The following ERICH1 variants were observed in gnomAD, a reference collection of about 807,000 sequenced individuals.
The protein encoded by ERICH1 is glutamate-rich protein 1.
ERICH1 carries 56 observed loss-of-function variants against 39.6 expected under a neutral mutation model. That is an observed-to-expected ratio of 1.41 (90% CI 1.14 to 1.77). ERICH1 has a LOEUF of 1.77. Among genes scored for constraint, ERICH1 ranks in the 40% most tolerant of loss-of-function variants. ERICH1 has a pLI of 0.00. For synonymous variants in ERICH1, 313 were observed against 223.6 expected (o/e 1.40, Z -3.57); for missense variants, 826 against 575.4 (o/e 1.44, Z -4.45).
intron 2 of ERICH1, among the ~76,000 whole-genome samples, 190 bp downstream of exon 2, chr8:715,671 T>C (rs1429021081): frequency 1.3e-5 from 2 of 152,236 alleles, no homozygotes; most frequent in African/African-American, 2.4e-5. Flanking sequence ...TGGCCTTGGC[T>C]GGGGAGTCCA....
intron 2 of ERICH1, among the ~76,000 whole-genome samples, chr8:701,416 T>G (rs11786287): frequency 0.72 from 108,684 of 150,936 alleles, 39,966 homozygotes; most frequent in Non-Finnish European, 0.8. Flanking sequence ...GGAGCACGCC[T>G]TACCCACGGG....
chr8:628,176 T>C (rs1797708403), intron 3 of ERICH1, among the ~76,000 whole-genome samples: 1 of 152,104 alleles, frequency 6.6e-6, no homozygotes. Flanking sequence ...GCTCTGGAAG[T>C]GCTGTGTGTG....
intron 3 of ERICH1, among the ~76,000 whole-genome samples, chr8:617,113 C>A (rs1796971014): frequency 6.6e-6 from 1 of 152,122 alleles, no homozygotes; most frequent in South Asian, 2.1e-4. Flanking sequence ...CATATTATTC[C>A]AGTTTAGCTG....
At chr8:651,557 G>A (rs746332754) in intron 3 of ERICH1, among the ~76,000 whole-genome samples, 7 of 152,134 alleles carry the variant, frequency 4.6e-5, no homozygotes, top group African/African-American at 1.4e-4. Context: ...GGGAGTCCAC[G>A]AAGTGGGAAG....
chr8:655,205 C>T (rs1294989756), intron 3 of ERICH1, among the ~76,000 whole-genome samples: 1 of 152,218 alleles, frequency 6.6e-6, no homozygotes, highest in East Asian at 1.9e-4. Flanking sequence ...CTTCGCCTTT[C>T]TAACAGCAAG....
At chr8:692,455 T>C in intron 3 of ERICH1, 23 bp downstream of exon 3, 1 of 1,613,946 alleles carries the variant, frequency 6.2e-7, no homozygotes, top group Non-Finnish European at 8.5e-7. Context: ...GATGTCTACC[T>C]TTCCTCCCAC....
At chr8:635,940 C>T (rs1278700626) in intron 3 of ERICH1, among the ~76,000 whole-genome samples, 1 of 152,216 alleles carries the variant, frequency 6.6e-6, no homozygotes, top group Non-Finnish European at 1.5e-5. Flanking sequence ...TGCGGTGATT[C>T]CTCATCCTGC....
chr8:616,394 C>A, intron 3 of ERICH1: 5 of 373,058 alleles, frequency 1.3e-5, no homozygotes, highest in South Asian at 9.9e-5. Context: ...GAGAGAAACT[C>A]CTGCCACGTG....
intron 3 of ERICH1, among the ~76,000 whole-genome samples, chr8:620,301 G>C (rs933684857): frequency 9.9e-5 from 15 of 152,172 alleles, no homozygotes; most frequent in Non-Finnish European, 2.9e-5. Flanking sequence ...AACAGAGTGA[G>C]ACTCTGTCTC....
chr8:631,510 A>G (rs750461142), intron 3 of ERICH1, among the ~76,000 whole-genome samples: 17 of 152,146 alleles, frequency 1.1e-4, no homozygotes, highest in Non-Finnish European at 2.1e-4. Flanking sequence ...TGCGCCAGGA[A>G]GTGGTGACGG....
At chr8:699,833 G>A (rs375338358) in intron 2 of ERICH1, among the ~76,000 whole-genome samples, 8 of 73,066 alleles carry the variant, frequency 1.1e-4, no homozygotes, top group Admixed American at 8.2e-4. Flanking sequence ...GCACAGACCC[G>A]CACAGGCGCA....
chr8:628,807 G>T (rs924528905), intron 3 of ERICH1, among the ~76,000 whole-genome samples: 2 of 152,144 alleles, frequency 1.3e-5, no homozygotes, highest in African/African-American at 4.8e-5. Flanking sequence ...AAGCTTTCAT[G>T]AACGTTTCCT....
intron 2 of ERICH1, among the ~76,000 whole-genome samples, chr8:699,525 C>T: frequency 6.6e-6 from 1 of 152,206 alleles, no homozygotes; most frequent in Non-Finnish European, 1.5e-5. Flanking sequence ...CCCTCCCCAC[C>T]CCTCAGGGTG....
chr8:683,238 TAGA>T (rs1563252557), intron 3 of ERICH1, among the ~76,000 whole-genome samples: 2 of 152,124 alleles, frequency 1.3e-5, no homozygotes, highest in Non-Finnish European at 2.9e-5. Flanking sequence ...GCTTGCCATG[TAGA>T]AGACCTGCCA....
intron 3 of ERICH1, among the ~76,000 whole-genome samples, chr8:632,078 C>G (rs1360956194): frequency 1.3e-5 from 2 of 152,198 alleles, no homozygotes. Context: ...GCTCTACTCT[C>G]CGACTGGCAG....
At chr8:631,246 CCACA>C (rs1229895175) in intron 3 of ERICH1, among the ~76,000 whole-genome samples, 1 of 152,242 alleles carries the variant, frequency 6.6e-6, no homozygotes, top group Non-Finnish European at 1.5e-5. Flanking sequence ...TGGGTGCTGC[CCACA>C]CACTGGTGGT....
At chr8:694,093 A>T (rs1373075633) in intron 2 of ERICH1, among the ~76,000 whole-genome samples, 2 of 152,216 alleles carry the variant, frequency 1.3e-5, no homozygotes, top group African/African-American at 4.8e-5. Context: ...GATTTTGAAA[A>T]CAACAATGAC....
intron 1 of ERICH1, among the ~76,000 whole-genome samples, chr8:730,910 C>G: frequency 6.6e-6 from 1 of 152,082 alleles, no homozygotes; most frequent in Non-Finnish European, 1.5e-5. Context: ...TGGGGCCTGG[C>G]AGGGCCGGCC....
chr8:616,435 T>A, intron 3 of ERICH1: 1 of 438,488 alleles, frequency 2.3e-6, no homozygotes, highest in East Asian at 7.1e-5. Flanking sequence ...GCACACCCCA[T>A]GCTCTCCTGG....
Sources: allele counts gnomAD v4.1 joint callset (sites outside exome capture counted in the v4.1 genomes callset), GRCh38; gene constraint gnomAD v4.1.1; transcripts MANE v1.5; gene names NCBI Gene and HGNC (gene_info 2026-07-23, HGNC 2026-07-21).